Variants in ADGRL2 observed in about 807,000 individuals in gnomAD.
The protein encoded by ADGRL2 is adhesion G protein-coupled receptor L2.
In ADGRL2, 44 loss-of-function variants were observed where a neutral mutation model predicts 157.4. The ratio of observed to expected loss-of-function variants is 0.28; its 90% CI spans 0.22 to 0.36. ADGRL2 has a LOEUF of 0.36. ADGRL2 is among the 10% of genes least tolerant of loss of function. The pLI is 1.00. For synonymous variants in ADGRL2, 585 were observed against 624.7 expected, an observed-to-expected ratio of 0.94 and a Z score of 0.95; for missense variants, 1,510 against 1,768.9, an observed-to-expected ratio of 0.85 and a Z score of 2.63.
chr1:81,939,281 C>A (rs758884286), intron 4 of ADGRL2, among the ~76,000 whole-genome samples: 2 of 151,440 alleles, frequency 1.3e-5, no homozygotes, highest in African/African-American at 4.8e-5. Context: ...TGTACATATA[C>A]AGGGTATCCA....
intron 3 of ADGRL2, among the ~76,000 whole-genome samples, chr1:81,675,978 C>G (rs2082979778): frequency 6.6e-6 from 1 of 152,106 alleles, no homozygotes; most frequent in Admixed American, 6.5e-5. Context: ...GATTCAAAAA[C>G]CCATAACAAG....
At chr1:81,763,253 G>T (rs957794144) in intron 2 of ADGRL2, among the ~76,000 whole-genome samples, 5 of 151,410 alleles carry the variant, frequency 3.3e-5, no homozygotes, top group Non-Finnish European at 7.4e-5. Context: ...TATAAAATTG[G>T]GAAATACTTC....
intron 1 of ADGRL2, among the ~76,000 whole-genome samples, chr1:81,371,448 A>G (rs2076159047): frequency 1.3e-5 from 2 of 152,242 alleles, no homozygotes; most frequent in Admixed American, 1.3e-4. Flanking sequence ...TCCAAAACTA[A>G]TGTTTCCCAC....
chr1:81,855,291 A>T (rs1042628944), intron 2 of ADGRL2, among the ~76,000 whole-genome samples: 1 of 152,054 alleles, frequency 6.6e-6, no homozygotes, highest in Non-Finnish European at 1.5e-5. Context: ...AATTTAAAAA[A>T]TTAGCCAGGC....
chr1:81,823,796 A>G (rs2091221246), intron 1 of ADGRL2, among the ~76,000 whole-genome samples: 1 of 152,124 alleles, frequency 6.6e-6, no homozygotes, highest in South Asian at 2.1e-4. Context: ...CAGTATAACT[A>G]TACCAAGAAA....
At chr1:81,347,264 G>C (rs917260990) in intron 1 of ADGRL2, among the ~76,000 whole-genome samples, 5 of 151,972 alleles carry the variant, frequency 3.3e-5, no homozygotes, top group African/African-American at 1.2e-4. Context: ...AGCCAGGTGT[G>C]GTGGTGTGTG....
At chr1:81,702,321 A>G (rs2083598229) in intron 1 of ADGRL2, among the ~76,000 whole-genome samples, 1 of 152,156 alleles carries the variant, frequency 6.6e-6, no homozygotes, top group Non-Finnish European at 1.5e-5. Context: ...AGACAGCATC[A>G]CCCCTTCTTT....
rs993341064 is a variant in ADGRL2 at position 81,427,348 on chromosome 1, T to C, written c.-301-17688T>C. The stretch of plus-strand genomic sequence containing the variant: ...CTGGTTATAGTAGTAGAGGGGGCTA[T>C]GGTGGTGGCGGACCAGGATATGGAA... On this transcript the variant is annotated intron_variant, in intron 1 of 24. Coordinates refer to the ADGRL2 transcript ENST00000370721. 1.8e-4 allele frequency: 132 copies of C among 730,080 alleles called. No individual in the cohort carries two copies. In the Admixed American group the frequency reaches 2.3e-3, roughly 12 times the overall value. The allele number at this position is 730,080 out of a possible 1,614,324, so 45.2% of individuals were successfully genotyped here. A position where few individuals can be genotyped will look rare whatever the true frequency, so the allele number is the denominator to read the frequency against.
intron 2 of ADGRL2, among the ~76,000 whole-genome samples, chr1:81,860,358 G>T (rs1438516645): frequency 6.6e-6 from 1 of 151,854 alleles, no homozygotes; most frequent in Non-Finnish European, 1.5e-5. Flanking sequence ...TCCTATTTTT[G>T]TAGAGACAGG....
intron 1 of ADGRL2, among the ~76,000 whole-genome samples, chr1:81,313,318 T>C (rs1570590807): frequency 6.6e-6 from 1 of 152,218 alleles, no homozygotes; most frequent in East Asian, 1.9e-4. Flanking sequence ...CAGGTGTAAA[T>C]TAGCATATCC....
chr1:81,618,518 T>C (rs1054661789), intron 3 of ADGRL2, among the ~76,000 whole-genome samples: 3 of 152,228 alleles, frequency 2.0e-5, no homozygotes, highest in African/African-American at 7.2e-5. Context: ...TTTTTTTTCC[T>C]TGGTCTGAGG....
At chr1:81,868,867 C>T (rs912815722) in intron 2 of ADGRL2, among the ~76,000 whole-genome samples, 2 of 152,006 alleles carry the variant, frequency 1.3e-5, no homozygotes, top group African/African-American at 4.8e-5. Flanking sequence ...TTTACTCAGC[C>T]ACTCACAGGT....
At chr1:81,616,679 C>CTTTTTTTTTTTTTTTTTTTT (rs1164087131) in intron 3 of ADGRL2, among the ~76,000 whole-genome samples, 9 of 105,980 alleles carry the variant, frequency 8.5e-5, no homozygotes, top group Admixed American at 1.1e-4. Context: ...CTTTTCTTTT[C>CTTTTTTTTTTTTTTTTTTTT]TTTTTTTTTT....
At chr1:81,598,485 T>C (rs575779495) in intron 3 of ADGRL2, among the ~76,000 whole-genome samples, 21 of 152,350 alleles carry the variant, frequency 1.4e-4, no homozygotes, top group African/African-American at 5.0e-4. Context: ...GAAGATTTTA[T>C]AGAATGCAAA....
chr1:81,409,452 C>T (rs1175968130), intron 1 of ADGRL2, among the ~76,000 whole-genome samples: 3 of 152,082 alleles, frequency 2.0e-5, no homozygotes, highest in Non-Finnish European at 4.4e-5. Flanking sequence ...TCAGAGGATA[C>T]CTTCTATTTT....
At chr1:81,481,886 TC>T (rs2078396334) in intron 2 of ADGRL2, among the ~76,000 whole-genome samples, 1 of 152,164 alleles carries the variant, frequency 6.6e-6, no homozygotes, top group Non-Finnish European at 1.5e-5. Context: ...CTCACACAGA[TC>T]CACTTCTCAT....
Position 81,846,573 on chromosome 1 carries a change from C to A in ADGRL2, c.73+9516C>A, listed in dbSNP as rs1484761227. Reference sequence around the variant, plus strand: ...CTAAAAAAAGGATCCAAGTAAAATTCTTATTTTGTTGCATATTTACAGGGT... The same window carrying A: ...CTAAAAAAAGGATCCAAGTAAAATTATTATTTTGTTGCATATTTACAGGGT... On this transcript the variant is annotated intron_variant, in intron 2 of 23. Coordinates refer to ENST00000686636, the MANE Select transcript of ADGRL2 (RefSeq NM_001366006.2). Among the ~76,000 whole-genome samples the A allele has an allele frequency of 2.0e-5, 3 of 151,784 alleles. No homozygotes were observed. In the East Asian group the frequency reaches 5.8e-4, roughly 29 times the overall value.
At chr1:81,509,920 A>C (rs1278570243) in intron 2 of ADGRL2, among the ~76,000 whole-genome samples, 1 of 152,216 alleles carries the variant, frequency 6.6e-6, no homozygotes, top group African/African-American at 2.4e-5. Flanking sequence ...TGCCCAACAG[A>C]GGGAATTCCA....
intron 1 of ADGRL2, among the ~76,000 whole-genome samples, chr1:81,356,759 C>G (rs1663321435): frequency 6.6e-6 from 1 of 151,864 alleles, no homozygotes; most frequent in South Asian, 2.1e-4. Context: ...CGACACCATC[C>G]TGGCTAACAC....
Sources: allele counts gnomAD v4.1 joint callset (sites outside exome capture counted in the v4.1 genomes callset), GRCh38; gene constraint gnomAD v4.1.1; transcripts MANE v1.5; gene names NCBI Gene and HGNC (gene_info 2026-07-23, HGNC 2026-07-21).